Variants in CCT6A observed in about 807,000 individuals in gnomAD.
CCT6A encodes T-complex protein 1 subunit zeta.
Under a neutral mutation model 58.6 loss-of-function variants are expected in CCT6A, and 6 were observed. The observed-to-expected ratio is 0.10, with a 90% CI of 0.06 to 0.20. The LOEUF is 0.20. Among genes scored for constraint, CCT6A ranks in the 10% least tolerant of loss-of-function variants. The pLI is 1.00. For missense variants in CCT6A, 516 were observed against 648.8 expected, an observed-to-expected ratio of 0.80 and a Z score of 2.22; for synonymous variants, 245 against 227.8, an observed-to-expected ratio of 1.08 and a Z score of -0.68.
Position 56,051,833 on chromosome 7 carries a change from C to T in CCT6A, c.-16C>T, listed in dbSNP as rs751637412. ...GGGCACTCAGCATCGTTTCCTTTTC[C>T]TCCGCTGGAGCAGCTATGGCGGCGG... On this transcript the variant is annotated 5_prime_UTR_variant, in exon 1 of 14. Coordinates refer to ENST00000275603, the MANE Select transcript of CCT6A (RefSeq NM_001762.4). The T allele has an allele frequency of 5.2e-6, 8 of 1,553,386 alleles. No individual in the cohort carries two copies. In the East Asian group the frequency reaches 9.8e-5, roughly 19 times the overall value.
In CCT6A at chr7:56,058,062, A is replaced by C. The variant is rs149533082; in HGVS notation, c.684A>C (p.Ala228=). 2 of 1,611,222 alleles carry C rather than the reference A, an allele frequency of 1.2e-6. No individual in the cohort carries two copies. Among genetic ancestry groups the C allele is most frequent in the Non-Finnish European group, 1.7e-6 (2 of 1,177,320 alleles). ...ATATGAAGAAAAGGGTGGAGGATGC[A>C]TACATCCTCACTTGTAACGTGTCAT... ...HPDMKKRVED[A]YILTCNVSLE... Residue 228 remains alanine (A), a synonymous_variant, in exon 6 of 14, where the codon GCA becomes GCC. Transcript: ENST00000275603.
intron 12 of CCT6A, 105 bp downstream of exon 12, chr7:56,061,954 G>A (rs1165289799): frequency 6.8e-6 from 4 of 587,576 alleles, no homozygotes; most frequent in Admixed American, 7.4e-5. Flanking sequence ...CACCAGTGCT[G>A]TTAGGGAACT....
At position 56,052,112 on chromosome 7, in the gene CCT6A, G is replaced by A; in HGVS notation, c.137+127G>A. On this transcript the variant is annotated intron_variant, in intron 1 of 13. Coordinates refer to ENST00000275603, the MANE Select transcript of CCT6A (RefSeq NM_001762.4). ...CAGCCGTCCTTCTCGGCGTCCTCCG[G>A]GGTCGGTCCTGTGTCCCTCCTAAGC... 5 of 832,186 alleles carry A rather than the reference G, an allele frequency of 6.0e-6. No homozygotes were observed. The South Asian group carries it at 1.5e-4, about 26-fold the overall frequency. 51.6% of individuals were successfully genotyped at this position (832,186 alleles called of 1,614,324 possible). A position where few individuals can be genotyped will look rare whatever the true frequency, so the allele number is the denominator to read the frequency against.
Position 56,055,540 on chromosome 7 carries a change from C to CT in CCT6A, c.337-83dup, listed in dbSNP as rs1230076797. The CT allele has an allele frequency of 2.8e-5, 32 of 1,149,752 alleles. No homozygotes were observed. The African/African-American group carries it at 3.8e-4, about 14-fold the overall frequency. 71.2% of individuals were successfully genotyped at this position (1,149,752 alleles called of 1,614,324 possible). On this transcript the variant is annotated intron_variant, in intron 3 of 13. Transcript: ENST00000275603. ...TTCAAAGGTATGATGATCCAGAACA[C>CT]TCCTTCAATAATTACCTGAACTTTA...
intron 11 of CCT6A, 60 bp from the exon 12 acceptor site, chr7:56,061,687 T>TAC: frequency 1.8e-6 from 1 of 549,134 alleles, no homozygotes; most frequent in Non-Finnish European, 3.1e-6. Context: ...TTTTTTTTTT[T>TAC]TTTTTTTACT....
Position 56,060,823 on chromosome 7 carries a change from T to C in CCT6A, c.1230T>C (p.Gly410=). The C allele has an allele frequency of 6.2e-7, 1 of 1,612,248 alleles. No individual in the cohort carries two copies. Among genetic ancestry groups the C allele is most frequent in the Non-Finnish European group, 8.5e-7 (1 of 1,179,838 alleles). ...NAIDDGCVVP[G]AGAVEVAMAE... ...ATCCAACAGGCTGTGTGGTTCCAGGTGCTGGTGCCGTGGAAGTGGCAATGG... is the reference window on the plus strand; with the variant it reads ...ATCCAACAGGCTGTGTGGTTCCAGGCGCTGGTGCCGTGGAAGTGGCAATGG... Residue 410 remains glycine, a synonymous_variant, in exon 11 of 14, where the codon GGT becomes GGC. Transcript: ENST00000275603.
At chr7:56,058,912 T>G (rs1401994514) in intron 8 of CCT6A, 1 of 383,840 alleles carries the variant, frequency 2.6e-6, no homozygotes, top group Non-Finnish European at 4.7e-6. Context: ...ACTCCCCATT[T>G]CTCCCTCCCC....
At chr7:56,057,127 C>T (rs13238152) in intron 5 of CCT6A, among the ~76,000 whole-genome samples, 6,615 of 151,910 alleles carry the variant, frequency 0.044, 260 homozygotes, top group East Asian at 0.2. Context: ...ATATATTTAC[C>T]TGAAGATATA....
chr7:56,058,109 T>C lies in CCT6A; in HGVS notation c.725+6T>C, dbSNP rs1794354778. The C allele has an allele frequency of 2.0e-6, 3 of 1,465,246 alleles. No individual in the cohort carries two copies. Among genetic ancestry groups the C allele is most frequent in the South Asian group, 1.1e-5 (1 of 87,982 alleles). 90.8% of individuals were successfully genotyped at this position (1,465,246 alleles called of 1,614,324 possible). A position where few individuals can be genotyped will look rare whatever the true frequency, so the allele number is the denominator to read the frequency against. ...TCATTAGAGTATGAGAAAACGTAAG[T>C]TTATAGCCCCTTAACAGTGAAATGG... On this transcript the variant is annotated splice_donor_region_variant and intron_variant, in intron 6 of 13. Transcript: ENST00000275603.
At chr7:56,062,844 A>C in intron 13 of CCT6A, 89 bp downstream of exon 13, 1 of 1,232,716 alleles carries the variant, frequency 8.1e-7, no homozygotes, top group South Asian at 1.2e-5. Context: ...TTCCCCCATG[A>C]ATAATGTGAT....
chr7:56,062,532 T>C, intron 12 of CCT6A, 151 bp from the exon 13 acceptor site: 1 of 690,554 alleles, frequency 1.4e-6, no homozygotes, highest in South Asian at 1.6e-5. Flanking sequence ...ACGGGGGTCA[T>C]GGTTTAGAGT....
chr7:56,055,374 G>C (rs1270641619), intron 3 of CCT6A: 1 of 571,152 alleles, frequency 1.8e-6, no homozygotes, highest in African/African-American at 1.9e-5. Context: ...TTTGCACAGT[G>C]AACACCCAAG....
chr7:56,055,334 CA>C, intron 3 of CCT6A: 1 of 424,628 alleles, frequency 2.4e-6, no homozygotes, highest in Non-Finnish European at 4.4e-6. Context: ...TGTTGGGACA[CA>C]GTGTTGGTTT....
At chr7:56,056,736 C>A (rs557768053) in intron 5 of CCT6A, among the ~76,000 whole-genome samples, 100 of 149,288 alleles carry the variant, frequency 6.7e-4, no homozygotes, top group East Asian at 7.9e-4. Context: ...AAAAAAAAAA[C>A]AAAAACAAAA....
chr7:56,058,378 T>G lies in CCT6A; in HGVS notation c.742T>G (p.Phe248Val), dbSNP rs751088916. The change falls in exon 7 of 14, where the codon TTT (phenylalanine) becomes GTT (valine). Residue 248 changes from phenylalanine to valine, a missense_variant. Phe to Val is a conservative substitution (Grantham distance 50). Coordinates refer to ENST00000275603, the MANE Select transcript of CCT6A (RefSeq NM_001762.4). ...EYEKTEVNSG[F>V]FYKSAEEREK... is the part of the protein sequence containing the mutation. The stretch of plus-strand genomic sequence containing the variant: ...TCTTAATAGAGAAGTGAATTCTGGC[T>G]TTTTTTACAAGAGTGCAGAAGAGAG... The G allele has an allele frequency of 6.4e-7, 1 of 1,571,418 alleles. No homozygotes were observed. Among genetic ancestry groups the G allele is most frequent in the Non-Finnish European group, 8.6e-7 (1 of 1,166,880 alleles).
chr7:56,059,731 C>G lies in CCT6A; in HGVS notation c.1065+91C>G, dbSNP rs779118630. On this transcript the variant is annotated intron_variant, in intron 9 of 13. Coordinates refer to ENST00000275603, the MANE Select transcript of CCT6A (RefSeq NM_001762.4). ...TTTGAGGTGGGGTCTCACTCCTGCCCGGGCTGGAGTGCAGTGGTGTGATCA... is the reference window on the plus strand; with the variant it reads ...TTTGAGGTGGGGTCTCACTCCTGCCGGGGCTGGAGTGCAGTGGTGTGATCA... The G allele has an allele frequency of 3.0e-4, 205 of 685,834 alleles. 1 individual carries two copies. The highest frequency in any genetic ancestry group is 4.0e-5 in the Non-Finnish European group (15 of 378,918). 42.5% of individuals were successfully genotyped at this position (685,834 alleles called of 1,614,324 possible).
chr7:56,055,848 T>A (rs747436268), intron 4 of CCT6A, 51 bp downstream of exon 4: 2 of 1,315,810 alleles, frequency 1.5e-6, no homozygotes, highest in East Asian at 2.3e-5. Context: ...ATATAGAAAA[T>A]CTCTGATAGT....
At chr7:56,062,624 C>T in intron 12 of CCT6A, 59 bp from the exon 13 acceptor site, 1 of 1,346,416 alleles carries the variant, frequency 7.4e-7, no homozygotes, top group Non-Finnish European at 1.1e-6. Flanking sequence ...AGCAAAGCTG[C>T]ACACAATATT....
chr7:56,058,414 G>T lies in CCT6A; in HGVS notation c.778G>T (p.Val260Leu), dbSNP rs546307321. Residue 260 changes from valine to leucine, a missense_variant, in exon 7 of 14, where the codon GTG (valine) becomes TTG (leucine). Val to Leu is a conservative substitution (Grantham distance 32). This residue lies in a region of CCT6A where 315 missense variants were observed against 389.4 expected (regional missense o/e 0.81). Coordinates refer to ENST00000275603, the MANE Select transcript of CCT6A (RefSeq NM_001762.4). Reference sequence around the variant, plus strand: ...GAGTGCAGAAGAGAGAGAAAAACTCGTGAAAGCTGAAAGAAAATTCATTGA... The same window carrying T: ...GAGTGCAGAAGAGAGAGAAAAACTCTTGAAAGCTGAAAGAAAATTCATTGA... Reference protein sequence around the residue: ...YKSAEEREKLVKAERKFIEDR... With the variant: ...YKSAEEREKLLKAERKFIEDR... 1.2e-6 allele frequency: 2 copies of T among 1,603,880 alleles called. No homozygotes were observed.
Sources: gnomAD v4.1 joint callset for allele counts (sites outside exome capture counted in the v4.1 genomes callset) on GRCh38, gnomAD v4.1.1 for gene constraint, gnomAD v4.1.1 regional missense constraint, MANE v1.5 for transcripts, NCBI Gene and HGNC (gene_info 2026-07-23, HGNC 2026-07-21) for gene names.